PABIR3: variants seen among roughly 807,000 people sequenced by gnomAD.
PABIR3 encodes PABIR family member 1.
Under a neutral mutation model 23.1 loss-of-function variants are expected in PABIR3, and 20 were observed. The observed-to-expected ratio is 0.86, with a 90% confidence interval of 0.61 to 1.26. The LOEUF is 1.26. Ranked by LOEUF, PABIR3 falls within the 50% of genes most tolerant of loss-of-function variation. The pLI is 0.00. For missense variants in PABIR3, 189 were observed against 195.4 expected, an observed-to-expected ratio of 0.97 and a Z score of 0.20; for synonymous variants, 69 against 68.5, an observed-to-expected ratio of 1.01 and a Z score of -0.04.
intron 1 of PABIR3, among the ~76,000 whole-genome samples, chrX:134,801,579 G>A (rs1372548818): frequency 8.9e-6 from 1 of 112,324 alleles, no homozygotes; most frequent in African/African-American, 3.2e-5. Context: ...GCCATGCGGG[G>A]GTTTTTCGTC....
At chrX:134,822,143 C>T (rs1312787599) in intron 3 of PABIR3, 1 of 752,034 alleles carries the variant, frequency 1.3e-6, no homozygotes, top group Non-Finnish European at 1.6e-6. Flanking sequence ...CTCTTGGTTC[C>T]TTCCAAGGAC....
chrX:134,836,025 A>G (rs2081960971), intron 4 of PABIR3, among the ~76,000 whole-genome samples: 1 of 111,419 alleles, frequency 9.0e-6, no homozygotes, highest in Non-Finnish European at 1.9e-5. Context: ...TTTAGTAGAG[A>G]CGGGGTTTCA....
At chrX:134,813,040 T>C (rs1236172742) in intron 2 of PABIR3, among the ~76,000 whole-genome samples, 1 of 112,030 alleles carries the variant, frequency 8.9e-6, no homozygotes, top group African/African-American at 3.2e-5. Context: ...TATTCTCTTA[T>C]TTTCTTAATA....
intron 4 of PABIR3, among the ~76,000 whole-genome samples, chrX:134,836,082 C>A (rs1171369009): frequency 8.9e-6 from 1 of 112,014 alleles, no homozygotes; most frequent in African/African-American, 3.2e-5. Flanking sequence ...AGGTGATCCA[C>A]CCGCCTCGGC....
chrX:134,857,651 C>G (rs914126543), downstream of PABIR3, among the ~76,000 whole-genome samples: 1 of 111,048 alleles, frequency 9.0e-6, no homozygotes, highest in African/African-American at 3.3e-5. Context: ...CAAGAGGTGA[C>G]TATAAAGCAT....
upstream of PABIR3, among the ~76,000 whole-genome samples, chrX:134,804,964 C>T (rs2080167840): frequency 1.8e-5 from 2 of 112,793 alleles, no homozygotes; most frequent in South Asian, 7.2e-4. Context: ...TGCCATTAAT[C>T]TCTTTGGAAT....
At chrX:134,808,356 T>G (rs2080376537) in intron 2 of PABIR3, among the ~76,000 whole-genome samples, 1 of 107,578 alleles carries the variant, frequency 9.3e-6, no homozygotes, top group South Asian at 4.2e-4. Context: ...CACCTGGTAA[T>G]TTTTTGTATT....
chrX:134,806,508 C>A (rs1319297637), upstream of PABIR3, among the ~76,000 whole-genome samples: 1 of 108,551 alleles, frequency 9.2e-6, no homozygotes, highest in African/African-American at 3.4e-5. Context: ...CCCAGCTACT[C>A]GGGAGGCTGA....
chrX:134,810,526 C>T (rs189957481), intron 2 of PABIR3: 1 of 751,906 alleles, frequency 1.3e-6, no homozygotes, highest in African/African-American at 2.3e-5. Context: ...GATTAGGGGA[C>T]TTGCCCAGAT....
In PABIR3 at chrX:134,849,228, G is replaced by C. The variant is rs376628139; in HGVS notation, c.589G>C (p.Gly197Arg). 9 of 881,570 alleles carry C rather than the reference G, an allele frequency of 1.0e-5. No homozygotes were observed. The African/African-American group carries it at 1.9e-4, about 19-fold the overall frequency. 72.7% of individuals were successfully genotyped at this position (881,570 alleles called of 1,213,427 possible). The change falls in exon 9 of 11, where the codon GGT (glycine) becomes CGT (arginine). Residue 197 changes from glycine (G) to arginine (R), a missense_variant and splice_region_variant. Coordinates refer to ENST00000645433, the MANE Select transcript of PABIR3 (RefSeq NM_001388447.1). ...TATCCTTGGACCATTAAAAAGAAAA[G>C]GTACTTTTATCTAACAGTAGAAGTA... Reference protein sequence around the residue: ...PSILGPLKRKGEMAFQYQPKK... With the variant: ...PSILGPLKRKREMAFQYQPKK...
At chrX:134,848,348 C>T (rs2082506024) in intron 8 of PABIR3, among the ~76,000 whole-genome samples, 1 of 109,182 alleles carries the variant, frequency 9.2e-6, no homozygotes, top group South Asian at 4.0e-4. Context: ...TGAGATCGTG[C>T]CATTGCCCTC....
chrX:134,838,082 C>G (rs1245715451), intron 4 of PABIR3, among the ~76,000 whole-genome samples: 2 of 111,399 alleles, frequency 1.8e-5, no homozygotes, highest in Non-Finnish European at 3.8e-5. Flanking sequence ...TGTATGGTAT[C>G]AAAATAGTCA....
chrX:134,829,961 C>G (rs1384103676), intron 4 of PABIR3, among the ~76,000 whole-genome samples: 1 of 112,136 alleles, frequency 8.9e-6, no homozygotes, highest in African/African-American at 3.2e-5. Flanking sequence ...GACATTTTTT[C>G]CCCCAAGAGA....
intron 3 of PABIR3, among the ~76,000 whole-genome samples, chrX:134,828,099 T>C (rs1159416186): frequency 9.8e-6 from 1 of 101,723 alleles, no homozygotes; most frequent in Non-Finnish European, 2.0e-5. Flanking sequence ...GTGTTTGCCA[T>C]CTTGCTTAGG....
chrX:134,829,779 A>T (rs1603223338), intron 4 of PABIR3, among the ~76,000 whole-genome samples: 1 of 108,242 alleles, frequency 9.2e-6, no homozygotes, highest in East Asian at 3.2e-4. Flanking sequence ...TGTGGTTGGG[A>T]GGGTGTATGT....
rs186230100 is a variant in PABIR3, at chrX:134,818,490, T to G, written c.189+3641T>G. Among the ~76,000 whole-genome samples the G allele has an allele frequency of 1.4e-3, 159 of 112,048 alleles. 1 individual carries two copies. The highest frequency in any genetic ancestry group is 4.7e-3 in the African/African-American group (146 of 30,895). On this transcript the variant is annotated intron_variant, in intron 3 of 10. Transcript: ENST00000645433. The stretch of plus-strand genomic sequence containing the variant: ...AAACAAGGAAAAGTAGTAAGTCATA[T>G]GCTGTCAAGCCGTCAAACAGACTGA...
rs758526378 is a variant in PABIR3, at chrX:134,845,345, A to AGGAAG, written c.291-1_294dup. The AGGAAG allele has an allele frequency of 5.0e-6, 6 of 1,206,484 alleles. No homozygotes were observed. In the South Asian group the frequency reaches 1.1e-4, roughly 22 times the overall value. On this transcript the variant is annotated splice_acceptor_variant, in intron 5 of 10. Coordinates refer to ENST00000645433, the MANE Select transcript of PABIR3 (RefSeq NM_001388447.1). LOFTEE classifies it high-confidence loss of function. ...AAACTGCAGTTTTGATTTCTTTTGT[A>AGGAAG]GGAAGCTACAAAGTGAGATACAGAT...
At chrX:134,843,918 CTTTTTTTTTTT>C (rs1196514400) in intron 4 of PABIR3, among the ~76,000 whole-genome samples, 2 of 66,033 alleles carry the variant, frequency 3.0e-5, no homozygotes, top group African/African-American at 1.4e-4. Context: ...TATGCATGTT[CTTTTTTTTTTT>C]TTTTTTTTTT....
chrX:134,843,572 T>C (rs1441391610), intron 4 of PABIR3, among the ~76,000 whole-genome samples: 1 of 89,782 alleles, frequency 1.1e-5, no homozygotes, highest in Non-Finnish European at 2.2e-5. Context: ...CTTTTTTTTT[T>C]TTTTTTTTTT....
Sources: gnomAD v4.1 joint callset for allele counts (sites outside exome capture counted in the v4.1 genomes callset) on GRCh38, gnomAD v4.1.1 for gene constraint, MANE v1.5 for transcripts, NCBI Gene and HGNC (gene_info 2026-07-23, HGNC 2026-07-21) for gene names.